Variants in PCDHGB3 observed in about 807,000 individuals in gnomAD.
The protein encoded by PCDHGB3 is protocadherin gamma-B3.
A neutral mutation model predicts 59.2 loss-of-function variants in PCDHGB3; 40 were observed. That is an observed-to-expected ratio of 0.68 (90% CI 0.52 to 0.88). The LOEUF (loss-of-function observed/expected upper bound fraction) is 0.88. Among genes scored for constraint, PCDHGB3 ranks in the 40% least tolerant of loss-of-function variants. The pLI, the probability that PCDHGB3 is intolerant of heterozygous loss-of-function variation, is 0.00. For synonymous variants in PCDHGB3, 581 were observed against 503.6 expected, an observed-to-expected ratio of 1.15 and a Z score of -2.06; for missense variants, 1,309 against 1,187.9, an observed-to-expected ratio of 1.10 and a Z score of -1.50.
intron 1 of PCDHGB3, 108 bp from the exon 2 acceptor site, chr5:141,494,699 T>G: frequency 6.3e-7 from 1 of 1,592,240 alleles, no homozygotes; most frequent in East Asian, 2.3e-5. Context: ...GTCCGTTTTC[T>G]TCTCTGTGCC....
At chr5:141,488,062 T>C (rs1488970442) in intron 1 of PCDHGB3, among the ~76,000 whole-genome samples, 1 of 152,152 alleles carries the variant, frequency 6.6e-6, no homozygotes, top group Non-Finnish European at 1.5e-5. Flanking sequence ...AAATAAAATC[T>C]TTGTCTCCCA....
chr5:141,390,386 A>C, intron 1 of PCDHGB3: 2 of 1,432,848 alleles, frequency 1.4e-6, no homozygotes, highest in Non-Finnish European at 1.9e-6. Context: ...TTTAGATGTC[A>C]TGGATCATTT....
rs1311219092 is a variant in PCDHGB3 at position 141,372,180 on chromosome 5, G to A, written c.1786G>A (p.Ala596Thr). 1 of 1,613,652 alleles carries A rather than the reference G, an allele frequency of 6.2e-7. No homozygotes were observed. Residue 596 changes from alanine to threonine, a missense_variant, in exon 1 of 4, where the codon GCA (alanine) becomes ACA (threonine). Physicochemically the swap from Ala to Thr is moderately conservative, Grantham distance 58. Transcript: ENST00000576222. ...GGTGACCAAGGTGGTGGCGGTGGAC[G>A]CAGACTCGGGATACAACGCCTGGCT... ...YLVTKVVAVD[A>T]DSGYNAWLSY...
chr5:141,456,463 G>A (rs1195450847), intron 1 of PCDHGB3, among the ~76,000 whole-genome samples: 1 of 152,122 alleles, frequency 6.6e-6, no homozygotes, highest in Non-Finnish European at 1.5e-5. Context: ...ATCAATACAA[G>A]ACATATAAGC....
intron 1 of PCDHGB3, chr5:141,423,316 G>C (rs1424301976): frequency 1.2e-6 from 2 of 1,614,044 alleles, no homozygotes; most frequent in Non-Finnish European, 1.7e-6. Context: ...CTTGGTGGTG[G>C]CGGTGGCCGC....
At chr5:141,413,151 T>C (rs1192899612) in intron 1 of PCDHGB3, 5 of 1,573,560 alleles carry the variant, frequency 3.2e-6, no homozygotes, top group South Asian at 1.2e-5. Context: ...GTGAGGACTT[T>C]GCAGAATTCT....
At chr5:141,421,229 T>C (rs776952658) in intron 1 of PCDHGB3, 3 of 1,589,662 alleles carry the variant, frequency 1.9e-6, no homozygotes, top group South Asian at 1.1e-5. Flanking sequence ...GAGCCTGCCA[T>C]GGCGAATCGG....
At chr5:141,443,662 C>A (rs1427397469) in intron 1 of PCDHGB3, among the ~76,000 whole-genome samples, 2 of 152,178 alleles carry the variant, frequency 1.3e-5, no homozygotes, top group African/African-American at 4.8e-5. Context: ...TAGCATTTTA[C>A]TGAACTAGTA....
chr5:141,428,114 C>T (rs2097111703), intron 1 of PCDHGB3: 1 of 1,607,084 alleles, frequency 6.2e-7, no homozygotes, highest in Admixed American at 1.7e-5. Context: ...TGCAGGCCAT[C>T]GAGCCCGGGC....
intron 1 of PCDHGB3, chr5:141,422,369 G>A (rs890803753): frequency 6.4e-7 from 1 of 1,566,400 alleles, no homozygotes; most frequent in Non-Finnish European, 8.6e-7. Flanking sequence ...GGAGAAAATG[G>A]TCAAGTCTCC....
At chr5:141,409,916 T>C (rs762510018) in intron 1 of PCDHGB3, 3 of 1,613,298 alleles carry the variant, frequency 1.9e-6, no homozygotes, top group Non-Finnish European at 2.5e-6. Flanking sequence ...TCCTGACGGC[T>C]CCGCGTTCTT....
intron 1 of PCDHGB3, chr5:141,441,792 G>T: frequency 2.6e-6 from 1 of 389,292 alleles, no homozygotes; most frequent in Non-Finnish European, 5.1e-6. Context: ...GAATGACAAC[G>T]CACCGCGGGT....
At chr5:141,396,656 G>A (rs6580187) in intron 1 of PCDHGB3, 27,943 of 151,880 alleles carry the variant, frequency 0.18, 3,100 homozygotes, top group African/African-American at 0.31. Flanking sequence ...GTAAAAACTC[G>A]GTATAGGCTA....
chr5:141,408,380 G>T, intron 1 of PCDHGB3: 1 of 1,614,028 alleles, frequency 6.2e-7, no homozygotes, highest in East Asian at 2.2e-5. Context: ...CAGTGTCCTG[G>T]ATGTGTCGGC....
chr5:141,391,872 CTT>C (rs1248262671), intron 1 of PCDHGB3: 1 of 152,168 alleles, frequency 6.6e-6, no homozygotes, highest in East Asian at 1.9e-4. Context: ...TTAATCATCT[CTT>C]TGGTGAAAGG....
chr5:141,488,518 G>A lies in PCDHGB3; in HGVS notation c.2416-6289G>A, dbSNP rs2233597. On this transcript the variant is annotated intron_variant, in intron 1 of 3. Coordinates refer to ENST00000576222, the MANE Select transcript of PCDHGB3 (RefSeq NM_018924.5). Reference sequence around the variant, plus strand: ...CACTCATTCCACATTTGGGGTCTGGGGTGTCAGAAAAGCTAAGTCCCATGT... The same window carrying A: ...CACTCATTCCACATTTGGGGTCTGGAGTGTCAGAAAAGCTAAGTCCCATGT... Among the ~76,000 whole-genome samples the A allele has an allele frequency of 5.8e-3, 879 of 152,218 alleles. 4 individuals are homozygous for A. The highest frequency in any genetic ancestry group is 0.021 in the African/African-American group (853 of 41,520).
chr5:141,409,629 C>T (rs1379627250), intron 1 of PCDHGB3: 3 of 1,613,860 alleles, frequency 1.9e-6, no homozygotes, highest in East Asian at 4.5e-5. Flanking sequence ...CAAGTGAGCG[C>T]CTCTGACCCG....
At position 141,374,917 on chromosome 5, in the gene PCDHGB3, T is replaced by C. The variant is rs1385873751; in HGVS notation, c.2415+2108T>C. 7.4e-6 allele frequency: 12 copies of C among 1,613,816 alleles called. No homozygotes were observed. In the Admixed American group the frequency reaches 1.5e-4, roughly 20 times the overall value. Reference sequence around the variant, plus strand: ...ATGAAGGAGTCCACGGGGAAGTAACTTATTCCTTTGTGAAGATTACAGAAA... The same window carrying C: ...ATGAAGGAGTCCACGGGGAAGTAACCTATTCCTTTGTGAAGATTACAGAAA... On this transcript the variant is annotated intron_variant, in intron 1 of 3. Coordinates refer to ENST00000576222, the MANE Select transcript of PCDHGB3 (RefSeq NM_018924.5).
intron 1 of PCDHGB3, chr5:141,389,767 G>T: frequency 1.2e-6 from 2 of 1,613,028 alleles, no homozygotes; most frequent in Non-Finnish European, 1.7e-6. Context: ...CGCACAGCGC[G>T]TGCCTTAGGC....
Sources: gnomAD v4.1 joint callset for allele counts (sites outside exome capture counted in the v4.1 genomes callset) on GRCh38, gnomAD v4.1.1 for gene constraint, MANE v1.5 for transcripts, NCBI Gene and HGNC (gene_info 2026-07-23, HGNC 2026-07-21) for gene names.